Variants in CDK6 observed in about 807,000 individuals in gnomAD.
The protein encoded by CDK6 is cyclin-dependent kinase 6.
CDK6 carries 6 observed loss-of-function variants against 37.1 expected under a neutral mutation model. That is an observed-to-expected ratio of 0.16 (90% CI 0.09 to 0.32). The LOEUF (loss-of-function observed/expected upper bound fraction) is 0.32. Among genes scored for constraint, CDK6 ranks in the 10% least tolerant of loss-of-function variants. The pLI is 1.00. For synonymous variants in CDK6, 160 were observed against 161.3 expected, an observed-to-expected ratio of 0.99 and a Z score of 0.06; for missense variants, 224 against 418.9, an observed-to-expected ratio of 0.53 and a Z score of 4.06.
chr7:92,758,655 C>A (rs1359415559), intron 3 of CDK6, among the ~76,000 whole-genome samples: 1 of 152,092 alleles, frequency 6.6e-6, no homozygotes, highest in African/African-American at 2.4e-5. Flanking sequence ...AATAGTTTTT[C>A]TCCTAGTTCT....
Position 92,751,004 on chromosome 7 carries a change from T to C in CDK6, c.369+23692A>G, listed in dbSNP as rs76146831. Among the ~76,000 whole-genome samples, 58 of 152,312 alleles carry C rather than the reference T, an allele frequency of 3.8e-4. No homozygotes were observed. In the East Asian group the frequency reaches 6.4e-3, roughly 17 times the overall value. Reference sequence around the variant, plus strand: ...ACGTCATATTTGATCATTACAAGAATTGATAATAAAAGTTATGACTTGGGA... The same window carrying C: ...ACGTCATATTTGATCATTACAAGAACTGATAATAAAAGTTATGACTTGGGA... On this transcript the variant is annotated intron_variant, in intron 3 of 7. Coordinates refer to ENST00000424848, the MANE Select transcript of CDK6 (RefSeq NM_001145306.2).
intron 3 of CDK6, among the ~76,000 whole-genome samples, chr7:92,739,035 T>G (rs776637591): frequency 5.9e-5 from 9 of 152,232 alleles, no homozygotes; most frequent in Non-Finnish European, 8.8e-5. Flanking sequence ...ATAACAAGTC[T>G]GAAGTGGTTG....
At chr7:92,794,448 T>C (rs533005836) in intron 2 of CDK6, among the ~76,000 whole-genome samples, 6 of 152,228 alleles carry the variant, frequency 3.9e-5, no homozygotes, top group Non-Finnish European at 7.4e-5. Context: ...ACTCGTGATC[T>C]TGCCCCACTC....
intron 4 of CDK6, among the ~76,000 whole-genome samples, chr7:92,721,593 T>A (rs1368855293): frequency 6.6e-6 from 1 of 152,194 alleles, no homozygotes; most frequent in Admixed American, 6.5e-5. Flanking sequence ...AAGAACCCAA[T>A]ACCCCATAAA....
At chr7:92,752,618 C>T (rs950645006) in intron 3 of CDK6, among the ~76,000 whole-genome samples, 3 of 152,128 alleles carry the variant, frequency 2.0e-5, no homozygotes, top group African/African-American at 4.8e-5. Flanking sequence ...CAATGAAATA[C>T]GCCATTTTAT....
intron 2 of CDK6, among the ~76,000 whole-genome samples, chr7:92,804,754 T>C (rs1303710524): frequency 2.6e-5 from 4 of 152,208 alleles, no homozygotes; most frequent in Non-Finnish European, 5.9e-5. Flanking sequence ...GGAGCCATCC[T>C]GTGCATTGCA....
chr7:92,630,279 A>ATTATTTATTTATTTATTTATTTAT (rs3042470), intron 5 of CDK6, among the ~76,000 whole-genome samples: 16 of 146,832 alleles, frequency 1.1e-4, no homozygotes, highest in East Asian at 1.0e-3. Flanking sequence ...GCCAAATTAC[A>ATTATTTATTTATTTATTTATTTAT]TTATTTATTT....
chr7:92,801,686 A>G (rs1224623819), intron 2 of CDK6, among the ~76,000 whole-genome samples: 1 of 149,790 alleles, frequency 6.7e-6, no homozygotes, highest in East Asian at 2.0e-4. Flanking sequence ...CAGTGGTGTG[A>G]TATCGGTTCA....
chr7:92,711,821 G>C (rs1798100698), intron 4 of CDK6, among the ~76,000 whole-genome samples: 1 of 151,510 alleles, frequency 6.6e-6, no homozygotes, highest in Non-Finnish European at 1.5e-5. Context: ...GCCCGCCTCA[G>C]CCTCCCAAAG....
intron 3 of CDK6, among the ~76,000 whole-genome samples, chr7:92,734,693 C>G (rs908020468): frequency 6.6e-6 from 1 of 152,110 alleles, no homozygotes; most frequent in Non-Finnish European, 1.5e-5. Context: ...AGGAGGAATG[C>G]GATAAAACTC....
At chr7:92,796,693 T>C (rs1244888969) in intron 2 of CDK6, among the ~76,000 whole-genome samples, 1 of 152,110 alleles carries the variant, frequency 6.6e-6, no homozygotes, top group South Asian at 2.1e-4. Flanking sequence ...ACCCTCAAAG[T>C]CTATAATTTA....
intron 2 of CDK6, among the ~76,000 whole-genome samples, chr7:92,784,658 C>T (rs1043678260): frequency 4.6e-5 from 7 of 152,186 alleles, no homozygotes; most frequent in African/African-American, 1.7e-4. Context: ...GAACTCAAGT[C>T]GCAAGCCCTA....
intron 5 of CDK6, among the ~76,000 whole-genome samples, chr7:92,639,986 C>T (rs912552707): frequency 1.3e-5 from 2 of 152,154 alleles, no homozygotes; most frequent in African/African-American, 4.8e-5. Context: ...CCAAGGGTAT[C>T]TATCTCTCTA....
At chr7:92,744,781 C>A (rs928129966) in intron 3 of CDK6, among the ~76,000 whole-genome samples, 6 of 152,044 alleles carry the variant, frequency 3.9e-5, no homozygotes, top group African/African-American at 1.2e-4. Context: ...TTATCACTGC[C>A]AACTCCCTGG....
At chr7:92,691,286 G>A (rs1442033372) in intron 4 of CDK6, among the ~76,000 whole-genome samples, 3 of 152,190 alleles carry the variant, frequency 2.0e-5, no homozygotes, top group Non-Finnish European at 2.9e-5. Context: ...GTGGCTGGAA[G>A]TATAATAAGG....
At chr7:92,802,451 G>A (rs1800605086) in intron 2 of CDK6, among the ~76,000 whole-genome samples, 1 of 152,202 alleles carries the variant, frequency 6.6e-6, no homozygotes, top group South Asian at 2.1e-4. Context: ...GTTAGCAAAT[G>A]CCTCTAATTT....
At chr7:92,677,839 T>C (rs1380008026) in intron 4 of CDK6, among the ~76,000 whole-genome samples, 1 of 152,220 alleles carries the variant, frequency 6.6e-6, no homozygotes, top group Non-Finnish European at 1.5e-5. Context: ...TGTAATTTCA[T>C]AGGATTTAAA....
intron 2 of CDK6, among the ~76,000 whole-genome samples, chr7:92,815,959 T>C (rs1217002448): frequency 1.3e-5 from 2 of 152,130 alleles, no homozygotes; most frequent in African/African-American, 4.8e-5. Context: ...AATGTCTTAG[T>C]AGGGCTAAAC....
intron 4 of CDK6, among the ~76,000 whole-genome samples, chr7:92,683,841 G>A (rs1797391127): frequency 6.6e-6 from 1 of 152,210 alleles, no homozygotes; most frequent in Non-Finnish European, 1.5e-5. Flanking sequence ...AGAAAAGGAG[G>A]ACACATCTGA....
Sources: gnomAD v4.1 joint callset for allele counts (sites outside exome capture counted in the v4.1 genomes callset) on GRCh38, gnomAD v4.1.1 for gene constraint, MANE v1.5 for transcripts, NCBI Gene and HGNC (gene_info 2026-07-23, HGNC 2026-07-21) for gene names.